DIAPH2: variants seen among roughly 807,000 people sequenced by gnomAD.
DIAPH2 encodes the protein protein diaphanous homolog 2.
DIAPH2 carries 35 observed loss-of-function variants against 92.7 expected under a neutral mutation model. The ratio of observed to expected loss-of-function variants is 0.38; its 90% CI spans 0.29 to 0.50. The LOEUF (loss-of-function observed/expected upper bound fraction) is 0.50. DIAPH2 is among the 20% of genes least tolerant of loss of function. The pLI is 0.94. For missense variants in DIAPH2, 701 were observed against 819.5 expected, an observed-to-expected ratio of 0.86 and a Z score of 1.77; for synonymous variants, 301 against 280.4, an observed-to-expected ratio of 1.07 and a Z score of -0.73.
In DIAPH2 at chrX:97,090,457, C is replaced by A. The variant is rs990211891; in HGVS notation, c.2248-9237C>A. 3.7e-5 allele frequency among the ~76,000 whole-genome samples: 4 copies of A among 109,463 alleles called. No homozygotes were observed. In the Admixed American group the frequency reaches 3.9e-4, roughly 11 times the overall value. Reference sequence around the variant, plus strand: ...CCCCAGGGCTCACCGCCTCTCCAGTCCCTGTCCCCCTGATCTCATTCTTTC... The same window carrying A: ...CCCCAGGGCTCACCGCCTCTCCAGTACCTGTCCCCCTGATCTCATTCTTTC... On this transcript the variant is annotated intron_variant, in intron 19 of 26. Coordinates refer to ENST00000324765, the MANE Select transcript of DIAPH2 (RefSeq NM_006729.5).
At chrX:96,897,788 A>G (rs753068690) in intron 5 of DIAPH2, among the ~76,000 whole-genome samples, 254 of 99,574 alleles carry the variant, frequency 2.6e-3, no homozygotes, top group African/African-American at 8.5e-3. Context: ...GGTTAGTTAC[A>G]TATGTATACA....
chrX:96,907,465 C>T lies in DIAPH2; in HGVS notation c.588-4863C>T, dbSNP rs182359950. On this transcript the variant is annotated intron_variant, in intron 5 of 26. Transcript: ENST00000324765. ...GCTAGATGTTATAGAAAATTGTGTA[C>T]CGGTCCTCTTTTAGTAATTTCTAAG... Among the ~76,000 whole-genome samples, 131 of 112,099 alleles carry T rather than the reference C, an allele frequency of 1.2e-3. 1 individual carries two copies. Among genetic ancestry groups the T allele is most frequent in the Non-Finnish European group, 2.0e-3 (104 of 53,169 alleles).
chrX:97,388,188 G>A (rs1053527437), intron 25 of DIAPH2, among the ~76,000 whole-genome samples: 7 of 111,539 alleles, frequency 6.3e-5, no homozygotes, highest in Admixed American at 4.8e-4. Flanking sequence ...AGAGTCTACG[G>A]TAGGATCTGT....
chrX:97,196,502 A>G (rs1341274267), intron 22 of DIAPH2, among the ~76,000 whole-genome samples: 2 of 111,786 alleles, frequency 1.8e-5, no homozygotes, highest in East Asian at 5.6e-4. Flanking sequence ...TTGTCATCAA[A>G]TGTTAGTAAA....
intron 23 of DIAPH2, among the ~76,000 whole-genome samples, chrX:97,248,426 T>G (rs1305743067): frequency 8.9e-6 from 1 of 111,814 alleles, no homozygotes. Context: ...TTGAAACTTC[T>G]AGTTTATAGC....
intron 5 of DIAPH2, among the ~76,000 whole-genome samples, chrX:96,899,664 C>T (rs1344645388): frequency 9.0e-6 from 1 of 111,124 alleles, no homozygotes; most frequent in African/African-American, 3.3e-5. Context: ...ACAATCATGT[C>T]GTCTGCAAAC....
At chrX:97,074,872 T>C (rs1346191047) in intron 18 of DIAPH2, among the ~76,000 whole-genome samples, 1 of 112,205 alleles carries the variant, frequency 8.9e-6, no homozygotes, top group Non-Finnish European at 1.9e-5. Context: ...TCATTTTGTG[T>C]TATCATCCTA....
At chrX:96,982,396 G>C (rs896886725) in intron 17 of DIAPH2, among the ~76,000 whole-genome samples, 3 of 112,372 alleles carry the variant, frequency 2.7e-5, no homozygotes, top group African/African-American at 9.7e-5. Flanking sequence ...AGAGCTGACT[G>C]TGCCTGGCTT....
At chrX:97,476,962 A>T (rs1249922267) in intron 26 of DIAPH2, among the ~76,000 whole-genome samples, 3 of 58,766 alleles carry the variant, frequency 5.1e-5, no homozygotes, top group Non-Finnish European at 6.4e-5. Flanking sequence ...AAAAAAAAAA[A>T]AAAAAAATAT....
At chrX:97,472,813 G>A (rs1225401181) in intron 26 of DIAPH2, among the ~76,000 whole-genome samples, 2 of 112,137 alleles carry the variant, frequency 1.8e-5, no homozygotes, top group Non-Finnish European at 3.8e-5. Flanking sequence ...TTGACACACA[G>A]GAGTGATCAA....
intron 24 of DIAPH2, among the ~76,000 whole-genome samples, chrX:97,369,683 T>G (rs2069424992): frequency 9.0e-6 from 1 of 111,414 alleles, no homozygotes; most frequent in Admixed American, 9.6e-5. Flanking sequence ...TGAAAGGACA[T>G]CTTGCTGTCA....
At chrX:97,313,611 T>C (rs2068815437) in intron 23 of DIAPH2, among the ~76,000 whole-genome samples, 1 of 111,278 alleles carries the variant, frequency 9.0e-6, no homozygotes, top group African/African-American at 3.3e-5. Flanking sequence ...ATGTGAAAAA[T>C]AGAACCATGG....
chrX:97,497,968 T>G (rs1306836792), intron 26 of DIAPH2, among the ~76,000 whole-genome samples: 1 of 111,140 alleles, frequency 9.0e-6, no homozygotes, highest in African/African-American at 3.3e-5. Context: ...TAAGAAAATA[T>G]GAGGAAGAAA....
At chrX:97,235,896 A>G (rs2068044734) in intron 22 of DIAPH2, among the ~76,000 whole-genome samples, 1 of 111,968 alleles carries the variant, frequency 8.9e-6, no homozygotes, top group Admixed American at 9.6e-5. Flanking sequence ...AACATAGTAC[A>G]ATTATATTAT....
At chrX:97,301,772 GCGC>G (rs2147627823) in intron 23 of DIAPH2, among the ~76,000 whole-genome samples, 1 of 111,460 alleles carries the variant, frequency 9.0e-6, no homozygotes, top group East Asian at 2.8e-4. Flanking sequence ...TTACATTCTT[GCGC>G]CAGCTCCTTA....
chrX:96,984,707 T>A (rs778077931), intron 17 of DIAPH2, among the ~76,000 whole-genome samples: 1 of 111,407 alleles, frequency 9.0e-6, no homozygotes, highest in South Asian at 3.8e-4. Context: ...TTCTGTTGAC[T>A]GGTTGTTGAG....
Position 97,408,902 on chromosome X carries a change from GA to G in DIAPH2, c.3146-20743del, listed in dbSNP as rs1324931194. Among the ~76,000 whole-genome samples, 342 of 112,078 alleles carry G rather than the reference GA, an allele frequency of 3.1e-3. 1 individual carries two copies. The highest frequency in any genetic ancestry group is 0.01 in the African/African-American group (321 of 30,901). Reference sequence around the variant, plus strand: ...CTAACGGGGAGTTGAAGAAGCCAAAGAAAAATTTTTGGAAGCAACTTATAAA... The same window carrying G: ...CTAACGGGGAGTTGAAGAAGCCAAAGAAAATTTTTGGAAGCAACTTATAAA... On this transcript the variant is annotated intron_variant, in intron 25 of 26. Coordinates refer to ENST00000324765, the MANE Select transcript of DIAPH2 (RefSeq NM_006729.5).
Position 97,182,009 on chromosome X carries a change from G to A in DIAPH2, c.2719+40215G>A, listed in dbSNP as rs781782186. Among the ~76,000 whole-genome samples the A allele has an allele frequency of 9.3e-4, 104 of 111,634 alleles. 1 individual carries two copies. Among genetic ancestry groups the A allele is most frequent in the African/African-American group, 3.3e-3 (102 of 30,757 alleles). On this transcript the variant is annotated intron_variant, in intron 22 of 26. Coordinates refer to ENST00000324765, the MANE Select transcript of DIAPH2 (RefSeq NM_006729.5). ...ATCCTCTCACTATTTGCTGTAATTT[G>A]TCAGTATCCTTCACAATAAAAATAG...
intron 5 of DIAPH2, among the ~76,000 whole-genome samples, chrX:96,898,788 C>T (rs367722014): frequency 7.3e-4 from 78 of 106,369 alleles, no homozygotes; most frequent in African/African-American, 2.2e-3. Flanking sequence ...GTTTTAGACA[C>T]GAAGTCCTTG....
Sources: gnomAD v4.1 joint callset for allele counts (sites outside exome capture counted in the v4.1 genomes callset) on GRCh38, gnomAD v4.1.1 for gene constraint, MANE v1.5 for transcripts, NCBI Gene and HGNC (gene_info 2026-07-23, HGNC 2026-07-21) for gene names.